Variants in AMBRA1 observed in about 807,000 individuals in gnomAD.
AMBRA1 encodes autophagy and beclin 1 regulator 1.
Under a neutral mutation model 125.4 loss-of-function variants are expected in AMBRA1, and 47 were observed. The observed-to-expected ratio is 0.37, with a 90% CI of 0.30 to 0.48. The LOEUF is 0.48. Among genes scored for constraint, AMBRA1 ranks in the 20% least tolerant of loss-of-function variants. The pLI, the probability that AMBRA1 is intolerant of heterozygous loss-of-function variation, is 0.99. For missense variants in AMBRA1, 1,331 were observed against 1,693.4 expected, an observed-to-expected ratio of 0.79 and a Z score of 3.76; for synonymous variants, 626 against 655.5, an observed-to-expected ratio of 0.95 and a Z score of 0.69.
chr11:46,464,481 T>G (rs540984627), intron 11 of AMBRA1, among the ~76,000 whole-genome samples: 6 of 152,134 alleles, frequency 3.9e-5, no homozygotes, highest in African/African-American at 1.2e-4. Context: ...AGGACCCAAT[T>G]TGGGTTTTGT....
At chr11:46,474,238 T>C (rs1236449082) in intron 11 of AMBRA1, among the ~76,000 whole-genome samples, 1 of 152,100 alleles carries the variant, frequency 6.6e-6, no homozygotes, top group Non-Finnish European at 1.5e-5. Context: ...GGTTGATTAA[T>C]TTCATTATTA....
At chr11:46,405,441 G>A (rs905497405) in intron 17 of AMBRA1, among the ~76,000 whole-genome samples, 4 of 152,192 alleles carry the variant, frequency 2.6e-5, no homozygotes, top group African/African-American at 4.8e-5. Context: ...CTGCCCAGCC[G>A]GGTGCAGTGC....
At chr11:46,525,484 C>T (rs1246386815) in intron 7 of AMBRA1, among the ~76,000 whole-genome samples, 1 of 152,100 alleles carries the variant, frequency 6.6e-6, no homozygotes, top group Non-Finnish European at 1.5e-5. Context: ...GTGGCTCATG[C>T]CTGTAATCCC....
rs1177328415 is a variant in AMBRA1, at chr11:46,418,019, C to T, written c.3010G>A (p.Asp1004Asn). ...TTGATACTGACATGTCTCCGCTGGT[C>T]GGCAGGCATGGGATAAAGGACGTTG... ...VFNVLYPMPA[D>N]QRRHVSINSA... Residue 1004 changes from aspartate (D) to asparagine (N), a missense_variant, in exon 15 of 18, where the codon GAC becomes AAC. Physicochemically the swap from Asp to Asn is conservative, Grantham distance 23. This residue lies in a region of AMBRA1 where 354 missense variants were observed against 532.7 expected (regional missense o/e 0.66). Transcript: ENST00000683756. 2 of 1,604,710 alleles carry T rather than the reference C, an allele frequency of 1.2e-6. No homozygotes were observed. The highest frequency in any genetic ancestry group is 1.7e-6 in the Non-Finnish European group (2 of 1,173,862).
chr11:46,437,335 T>G (rs1947771154), intron 12 of AMBRA1, among the ~76,000 whole-genome samples: 1 of 152,206 alleles, frequency 6.6e-6, no homozygotes, highest in Non-Finnish European at 1.5e-5. Flanking sequence ...CCCTCTCCCC[T>G]GACTCCACCC....
At chr11:46,414,538 G>A (rs1261649434) in intron 15 of AMBRA1, among the ~76,000 whole-genome samples, 2 of 152,294 alleles carry the variant, frequency 1.3e-5, no homozygotes, top group African/African-American at 4.8e-5. Flanking sequence ...TGGGCTTCCC[G>A]CCAGCACCTC....
At position 46,397,801 on chromosome 11, in the gene AMBRA1, G is replaced by T. The variant is rs753714405; in HGVS notation, c.3546C>A (p.Ile1182=). ...TGCGGTGAATGCGGTGGCTGACGATGATGTTGTTGCCGAAGCCGCCCATGG... is the reference window on the plus strand; with the variant it reads ...TGCGGTGAATGCGGTGGCTGACGATTATGTTGTTGCCGAAGCCGCCCATGG... ...MASMGGFGNN[I]IVSHRIHRSS... Residue 1182 remains isoleucine, a synonymous_variant, in exon 18 of 18, where the codon ATC becomes ATA. Transcript: ENST00000683756. The T allele has an allele frequency of 6.2e-7, 1 of 1,609,070 alleles. No homozygotes were observed. Among genetic ancestry groups the T allele is most frequent in the Non-Finnish European group, 8.5e-7 (1 of 1,179,994 alleles).
chr11:46,589,802 T>G (rs2044528237), intron 1 of AMBRA1, among the ~76,000 whole-genome samples: 1 of 151,644 alleles, frequency 6.6e-6, no homozygotes, highest in East Asian at 2.0e-4. Flanking sequence ...TTTGTATTTT[T>G]TAGTAGAGAA....
At chr11:46,482,663 C>T (rs1277112123) in intron 11 of AMBRA1, among the ~76,000 whole-genome samples, 2 of 152,142 alleles carry the variant, frequency 1.3e-5, no homozygotes, top group African/African-American at 4.8e-5. Context: ...CAGTTAACTT[C>T]CCTGCATTAG....
At chr11:46,583,652 C>CAAAAAAAAAAA (rs1398623719) in intron 1 of AMBRA1, among the ~76,000 whole-genome samples, 274 of 12,428 alleles carry the variant, frequency 0.022, 28 homozygotes, top group East Asian at 0.036. Context: ...AACAAATTTC[C>CAAAAAAAAAAA]AAAAAAAAAA....
intron 11 of AMBRA1, among the ~76,000 whole-genome samples, chr11:46,474,441 T>C (rs1035832620): frequency 3.3e-5 from 5 of 152,012 alleles, no homozygotes; most frequent in Non-Finnish European, 7.4e-5. Flanking sequence ...CAGGCTGGAG[T>C]GCAGTGGTAC....
intron 11 of AMBRA1, among the ~76,000 whole-genome samples, chr11:46,445,024 T>A (rs1229561158): frequency 7.1e-6 from 1 of 140,492 alleles, no homozygotes; most frequent in African/African-American, 2.7e-5. Context: ...GGAAATATCA[T>A]CCCCATGGGG....
intron 9 of AMBRA1, among the ~76,000 whole-genome samples, chr11:46,502,450 A>C (rs1263034652): frequency 6.6e-6 from 1 of 152,220 alleles, no homozygotes; most frequent in Non-Finnish European, 1.5e-5. Context: ...TTCAAAATGA[A>C]GTAGATAATA....
intron 11 of AMBRA1, among the ~76,000 whole-genome samples, chr11:46,445,281 A>G (rs902491520): frequency 1.3e-5 from 2 of 152,128 alleles, no homozygotes; most frequent in African/African-American, 4.8e-5. Context: ...AATACCCACA[A>G]AACAAGACAT....
At position 46,494,189 on chromosome 11, in the gene AMBRA1, T is replaced by C. The variant is rs1277497891; in HGVS notation, c.2355A>G (p.Arg785=). The C allele has an allele frequency of 1.2e-6, 2 of 1,602,588 alleles. No individual in the cohort carries two copies. The highest frequency in any genetic ancestry group is 1.7e-5 in the Admixed American group (1 of 58,850). The stretch of plus-strand genomic sequence containing the variant: ...CATTGCGTGGAGCTCGGTGCCTGGA[T>C]CTGTCACCATTGTCCCTGAAAAAAA... The part of the protein sequence containing the change: ...EFEDFEDNGD[R]SRHRAPRNAR... Residue 785 remains arginine, a synonymous_variant, in exon 10 of 18, where the codon AGA becomes AGG. Transcript: ENST00000683756.
chr11:46,523,010 G>C (rs1172429479), intron 7 of AMBRA1, among the ~76,000 whole-genome samples: 1 of 152,164 alleles, frequency 6.6e-6, no homozygotes, highest in Non-Finnish European at 1.5e-5. Flanking sequence ...AGCACAGTGT[G>C]CTGGGGTGTT....
rs765409442 is a variant in AMBRA1 at position 46,542,091 on chromosome 11, C to T, written c.1926G>A (p.Glu642=). Residue 642 remains glutamate (E), a synonymous_variant, in exon 7 of 18, where the codon GAG becomes GAA. Transcript: ENST00000683756. This position sits in a 1 kb window ranked among gnomAD's most constrained non-coding sequence, Gnocchi z 5.9. ...LELSSSASPQ[E]ERTVGVAFNQ... is the part of the protein sequence containing the mutation. ...TAAAGGCCACCCCCACAGTCCTCTC[C>T]TCCTGCGGACTAGCAGAGCTGCTCA... 2 of 1,613,862 alleles carry T rather than the reference C, an allele frequency of 1.2e-6. No homozygotes were observed. Among genetic ancestry groups the T allele is most frequent in the African/African-American group, 2.7e-5 (2 of 74,928 alleles).
In AMBRA1 at chr11:46,546,998, G is replaced by A. The variant is rs998722587; in HGVS notation, c.378+115C>T. 1.4e-4 allele frequency: 128 copies of A among 942,036 alleles called. 3 individuals carry two copies. Among genetic ancestry groups the A allele is most frequent in the African/African-American group, 3.4e-5 (2 of 59,540 alleles). The allele number at this position is 942,036 out of a possible 1,614,324, so 58.4% of individuals were successfully genotyped here. On this transcript the variant is annotated intron_variant, in intron 4 of 17. Transcript: ENST00000683756. The stretch of plus-strand genomic sequence containing the variant: ...AAGCAGAAGTATCACTTGAACCTGG[G>A]AGACGGAGGTTGCAGCGAGCCAAGA...
At chr11:46,592,171 G>T (rs1466240562) in intron 1 of AMBRA1, among the ~76,000 whole-genome samples, 1 of 151,830 alleles carries the variant, frequency 6.6e-6, no homozygotes, top group Non-Finnish European at 1.5e-5. Flanking sequence ...CCGACCTCAG[G>T]TGATCCACCT....
Sources: allele counts gnomAD v4.1 joint callset (sites outside exome capture counted in the v4.1 genomes callset), GRCh38; gene constraint gnomAD v4.1.1; regional missense constraint gnomAD v4.1.1; non-coding constraint Gnocchi (gnomAD v3.1); transcripts MANE v1.5; gene names NCBI Gene and HGNC (gene_info 2026-07-23, HGNC 2026-07-21).